Variants in FSCN1 observed in about 807,000 individuals in gnomAD.
FSCN1 encodes fascin actin-bundling protein 1.
In FSCN1, 10 loss-of-function variants were observed where a neutral mutation model predicts 39.7. The ratio of observed to expected loss-of-function variants is 0.25; its 90% CI spans 0.16 to 0.43. The LOEUF is 0.43. Among genes scored for constraint, FSCN1 ranks in the 20% least tolerant of loss-of-function variants. FSCN1 has a pLI of 1.00. For synonymous variants in FSCN1, 322 were observed against 320.0 expected, an observed-to-expected ratio of 1.01 and a Z score of -0.07; for missense variants, 525 against 723.8, an observed-to-expected ratio of 0.73 and a Z score of 3.15.
At chr7:5,597,318 G>A (rs1269701554) in intron 1 of FSCN1, among the ~76,000 whole-genome samples, 1 of 152,210 alleles carries the variant, frequency 6.6e-6, no homozygotes, top group South Asian at 2.1e-4. Context: ...GCAGTGAGCC[G>A]AGATCGTGCC....
Position 5,603,592 on chromosome 7 carries a change from G to C in FSCN1, c.1086G>C (p.Gln362His). The C allele has an allele frequency of 1.2e-6, 2 of 1,614,164 alleles. No homozygotes were observed. ...GKFVTSKKNG[Q>H]LAASVETAGD... is the part of the protein sequence containing the mutation. ...TTGTGACCTCCAAGAAGAATGGGCA[G>C]CTGGCCGCCTCGGTGGAGACAGCAG... The change falls in exon 3 of 5, where the codon CAG becomes CAC. Residue 362 changes from glutamine (Q) to histidine (H), a missense_variant. Gln to His is a conservative substitution (Grantham distance 24). Coordinates refer to ENST00000382361, the MANE Select transcript of FSCN1 (RefSeq NM_003088.4). The surrounding 1 kb of genome is among the most constrained non-coding windows in gnomAD (Gnocchi z 8.5).
intron 1 of FSCN1, chr7:5,594,786 C>G (rs1399428115): frequency 1.3e-5 from 2 of 152,252 alleles, no homozygotes; most frequent in Admixed American, 1.3e-4. Flanking sequence ...CCGGGAGACC[C>G]CAGGCCAGCT....
chr7:5,595,164 C>A (rs1785708418), intron 1 of FSCN1, among the ~76,000 whole-genome samples: 1 of 152,200 alleles, frequency 6.6e-6, no homozygotes, highest in South Asian at 2.1e-4. Flanking sequence ...TCCTGACGGC[C>A]CCCCTCTTGG....
In FSCN1 at chr7:5,593,438, G is replaced by A; in HGVS notation, c.502G>A (p.Asp168Asn). ...GGCCGACGAGATCGCCGTGGACCGC[G>A]ACGTGCCCTGGGGCGTCGACTCGCT... ...RPADEIAVDR[D>N]VPWGVDSLIT... Residue 168 changes from aspartate (D) to asparagine (N), a missense_variant, in exon 1 of 5, where the codon GAC becomes AAC. This residue lies in a region of FSCN1 where 246 missense variants were observed against 350.6 expected (regional missense o/e 0.70). Coordinates refer to ENST00000382361, the MANE Select transcript of FSCN1 (RefSeq NM_003088.4). 6.2e-7 allele frequency: 1 copy of A among 1,612,020 alleles called. No homozygotes were observed. The highest frequency in any genetic ancestry group is 8.5e-7 in the Non-Finnish European group (1 of 1,179,742).
chr7:5,594,051 C>CG, intron 1 of FSCN1: 1 of 412,826 alleles, frequency 2.4e-6, no homozygotes, highest in Non-Finnish European at 4.3e-6. Flanking sequence ...CCTAACCCCC[C>CG]CCCCCGCCCA....
chr7:5,598,226 G>GC (rs907852977), intron 1 of FSCN1, among the ~76,000 whole-genome samples: 31 of 152,322 alleles, frequency 2.0e-4, no homozygotes, highest in African/African-American at 7.5e-4. Context: ...AGGGTGCCTG[G>GC]CCCCCCGCGG....
rs539995032 is a variant in FSCN1, at chr7:5,603,843, C to T, written c.1112-20C>T. On this transcript the variant is annotated intron_variant, in intron 3 of 4. Coordinates refer to ENST00000382361, the MANE Select transcript of FSCN1 (RefSeq NM_003088.4). This position sits in a 1 kb window ranked among gnomAD's most constrained non-coding sequence, Gnocchi z 8.5. ...CACTCCCTGCCAGGAGGCTCACTGA[C>T]TCCCCTCTTTCTGGGACAGGGGACT... The T allele has an allele frequency of 7.5e-6, 12 of 1,607,820 alleles. No homozygotes were observed. The highest frequency in any genetic ancestry group is 1.0e-5 in the Non-Finnish European group (12 of 1,175,704).
chr7:5,594,834 C>T (rs1785702488), intron 1 of FSCN1: 1 of 152,286 alleles, frequency 6.6e-6, no homozygotes. Flanking sequence ...AACCCATCCC[C>T]TAGGGCGCTC....
intron 1 of FSCN1, among the ~76,000 whole-genome samples, chr7:5,597,119 G>A (rs1243358664): frequency 7.1e-6 from 1 of 141,470 alleles, no homozygotes; most frequent in Non-Finnish European, 1.6e-5. Context: ...GCCAAGGAGG[G>A]AAGATGGCTT....
intron 1 of FSCN1, among the ~76,000 whole-genome samples, chr7:5,600,791 C>G (rs1324146574): frequency 6.6e-6 from 1 of 151,230 alleles, no homozygotes; most frequent in South Asian, 2.1e-4. Context: ...GTAGCAGGGA[C>G]TACAGGCGCC....
intron 1 of FSCN1, among the ~76,000 whole-genome samples, chr7:5,597,373 AAATT>A (rs1785747976): frequency 1.3e-5 from 2 of 151,714 alleles, no homozygotes; most frequent in Admixed American, 1.3e-4. Context: ...TGTCTTAAAA[AAATT>A]TTTTTTGGCC....
Position 5,606,640 on chromosome 7 carries a change from T to A in FSCN1, c.*1166T>A, listed in dbSNP as rs1255255980. 1 of 148,270 alleles carries A rather than the reference T, an allele frequency of 6.7e-6. No individual in the cohort carries two copies. Among genetic ancestry groups the A allele is most frequent in the East Asian group, 2.0e-4 (1 of 4,924 alleles). 9.2% of individuals were successfully genotyped at this position (148,270 alleles called of 1,614,324 possible). On this transcript the variant is annotated 3_prime_UTR_variant, in exon 5 of 5. Transcript: ENST00000382361. This position sits in a 1 kb window ranked among gnomAD's most constrained non-coding sequence, Gnocchi z 5.1. ...ACTGGAAATAGCGAAATAAAATAAC[T>A]CAGTCTGCAGCCCCAGGCCGGCCTG...
rs754485372 is a variant in FSCN1 at position 5,605,341 on chromosome 7, ACTT to A, written c.1357_1359del (p.Phe453del). On this transcript the variant is annotated inframe_deletion, in exon 5 of 5. Transcript: ENST00000382361. The surrounding 1 kb of genome is among the most constrained non-coding windows in gnomAD (Gnocchi z 6.9). ...ACCAGCAGCGGCGACACTCCTGTGG[ACTT>A]CTTCTTCGAGTTCTGCGACTATAAC... 4.3e-6 allele frequency: 7 copies of A among 1,613,602 alleles called. No homozygotes were observed. Among genetic ancestry groups the A allele is most frequent in the Non-Finnish European group, 5.9e-6 (7 of 1,179,620 alleles).
In FSCN1 at chr7:5,603,976, T is replaced by G; in HGVS notation, c.1225T>G (p.Ser409Ala). 1 of 1,613,894 alleles carries G rather than the reference T, an allele frequency of 6.2e-7. No individual in the cohort carries two copies. The highest frequency in any genetic ancestry group is 8.5e-7 in the Non-Finnish European group (1 of 1,179,994). ...KVTGTLDANR[S>A]SYDVFQLEFN... ...CACGGGCACCCTGGACGCCAACCGC[T>G]CCAGCTATGACGTCTTCCAGCTGGA... is the stretch of plus-strand genomic sequence containing the variant. The change falls in exon 4 of 5, where the codon TCC becomes GCC. Residue 409 changes from serine to alanine, a missense_variant. Transcript: ENST00000382361. The surrounding 1 kb of genome is among the most constrained non-coding windows in gnomAD (Gnocchi z 8.5).
In FSCN1 at chr7:5,603,639, C is replaced by T. The variant is rs1178379387; in HGVS notation, c.1111+22C>T. 6.2e-7 allele frequency: 1 copy of T among 1,613,860 alleles called. No homozygotes were observed. The highest frequency in any genetic ancestry group is 8.5e-7 in the Non-Finnish European group (1 of 1,179,972). On this transcript the variant is annotated intron_variant, in intron 3 of 4. Transcript: ENST00000382361. The surrounding 1 kb of genome is among the most constrained non-coding windows in gnomAD (Gnocchi z 8.5). The stretch of plus-strand genomic sequence containing the variant: ...GCAGGTAACACTAAAGCCCCAGTTC[C>T]CTGGAGCCGTCCTGGAGTCCTGGAG...
At chr7:5,598,292 C>T (rs894901619) in intron 1 of FSCN1, among the ~76,000 whole-genome samples, 4 of 152,212 alleles carry the variant, frequency 2.6e-5, no homozygotes, top group African/African-American at 7.2e-5. Context: ...CAGGATTGAA[C>T]GCAACAGGCT....
At chr7:5,596,878 G>A (rs942387960) in intron 1 of FSCN1, among the ~76,000 whole-genome samples, 2 of 152,140 alleles carry the variant, frequency 1.3e-5, no homozygotes, top group Admixed American at 6.5e-5. Context: ...TGGAAACCGG[G>A]GTGGTAAGGT....
chr7:5,601,031 C>T (rs1323081840), intron 1 of FSCN1, among the ~76,000 whole-genome samples: 2 of 132,122 alleles, frequency 1.5e-5, no homozygotes, highest in Admixed American at 7.2e-5. Context: ...CCTCATGATC[C>T]GCCCGCCTCG....
At chr7:5,597,579 A>G (rs1400638873) in intron 1 of FSCN1, among the ~76,000 whole-genome samples, 2 of 151,844 alleles carry the variant, frequency 1.3e-5, no homozygotes, top group African/African-American at 2.4e-5. Context: ...AGGCAGGAGA[A>G]TCCCTTGAAC....
Sources: gnomAD v4.1 joint callset for allele counts (sites outside exome capture counted in the v4.1 genomes callset) on GRCh38, gnomAD v4.1.1 for gene constraint, gnomAD v4.1.1 regional missense constraint, Gnocchi (gnomAD v3.1) non-coding constraint, MANE v1.5 for transcripts, NCBI Gene and HGNC (gene_info 2026-07-23, HGNC 2026-07-21) for gene names.